THSD7B: variants seen among roughly 807,000 people sequenced by gnomAD.
THSD7B encodes the protein thrombospondin type-1 domain-containing protein 7B.
In THSD7B, 138 loss-of-function variants were observed where a neutral mutation model predicts 213.6. The ratio of observed to expected loss-of-function variants is 0.65; its 90% CI spans 0.56 to 0.74. THSD7B has a LOEUF of 0.74. Ranked by LOEUF, THSD7B falls within the 30% of genes least tolerant of loss-of-function variation. The pLI is 0.00. For missense variants in THSD7B, 1,931 were observed against 1,991.5 expected (o/e 0.97, Z 0.58); for synonymous variants, 742 against 687.0 (o/e 1.08, Z -1.25).
intron 1 of THSD7B, among the ~76,000 whole-genome samples, chr2:136,866,871 C>A (rs748347091): frequency 2.0e-5 from 3 of 151,862 alleles, no homozygotes; most frequent in African/African-American, 4.8e-5. Context: ...AATTTTGCAG[C>A]GTTTTGGAAG....
At chr2:137,336,763 C>A (rs80346313) in intron 12 of THSD7B, among the ~76,000 whole-genome samples, 3,252 of 152,118 alleles carry the variant, frequency 0.021, 133 homozygotes, top group African/African-American at 0.075. Context: ...TATTTTTAGA[C>A]CATTTTATCG....
At chr2:136,976,285 T>C (rs566993561) in intron 2 of THSD7B, among the ~76,000 whole-genome samples, 44 of 152,328 alleles carry the variant, frequency 2.9e-4, no homozygotes, top group African/African-American at 9.9e-4. Context: ...TGCCCATTCA[T>C]TATGATATTG....
intron 6 of THSD7B, among the ~76,000 whole-genome samples, chr2:137,165,491 C>G (rs1261803725): frequency 6.6e-6 from 1 of 151,988 alleles, no homozygotes; most frequent in Admixed American, 6.5e-5. Context: ...GGTCTGAGAT[C>G]CCCCTCAGTC....
intron 3 of THSD7B, among the ~76,000 whole-genome samples, chr2:137,092,177 C>A (rs765228951): frequency 2.6e-5 from 4 of 152,112 alleles, no homozygotes; most frequent in Non-Finnish European, 5.9e-5. Context: ...CTTTGGGAGA[C>A]CAAGTCAGGT....
At chr2:137,608,884 A>G (rs1350355328) in intron 17 of THSD7B, among the ~76,000 whole-genome samples, 1 of 152,234 alleles carries the variant, frequency 6.6e-6, no homozygotes, top group Admixed American at 6.5e-5. Flanking sequence ...TGACCAGATT[A>G]GTTTATAGTG....
At chr2:137,645,539 A>G (rs1049720243) in intron 21 of THSD7B, among the ~76,000 whole-genome samples, 6 of 152,162 alleles carry the variant, frequency 3.9e-5, no homozygotes, top group African/African-American at 1.4e-4. Context: ...CGAAGGTATA[A>G]GCGATTAAGG....
rs540900123 is a variant in THSD7B at position 136,987,320 on chromosome 2, C to A, written c.140-69100C>A. 1.1e-4 allele frequency among the ~76,000 whole-genome samples: 16 copies of A among 152,250 alleles called. No homozygotes were observed. The South Asian group carries it at 3.3e-3, about 32-fold the overall frequency. ...AAAGTATGCCACATCTGTAGCAATT[C>A]CATGGTGGAGAACCACTGGGGCTAT... On this transcript the variant is annotated intron_variant, in intron 2 of 27. Coordinates refer to ENST00000409968, the MANE Select transcript of THSD7B (RefSeq NM_001316349.2).
chr2:137,642,474 C>T lies in THSD7B; in HGVS notation c.3800-14C>T, dbSNP rs1275099887. On this transcript the variant is annotated splice_polypyrimidine_tract_variant and intron_variant, in intron 20 of 27. Transcript: ENST00000409968. ...AAACTAACTGAAAAGCTGACACCTC[C>T]CTTATCATTTTAGGTCGAATGAGCC... 1 of 1,613,176 alleles carries T rather than the reference C, an allele frequency of 6.2e-7. No individual in the cohort carries two copies. Among genetic ancestry groups the T allele is most frequent in the South Asian group, 1.1e-5 (1 of 90,972 alleles).
intron 15 of THSD7B, among the ~76,000 whole-genome samples, chr2:137,456,976 A>C (rs1309950986): frequency 6.6e-6 from 1 of 152,122 alleles, no homozygotes; most frequent in Non-Finnish European, 1.5e-5. Flanking sequence ...CTGTGCTCTC[A>C]AGTTGTGGCA....
At chr2:137,372,913 G>T (rs916317304) in intron 12 of THSD7B, among the ~76,000 whole-genome samples, 1 of 135,174 alleles carries the variant, frequency 7.4e-6, no homozygotes, top group African/African-American at 2.8e-5. Flanking sequence ...TGTTCTCATT[G>T]TTCAATTCCC....
At chr2:136,842,449 A>G (rs893795480) in intron 1 of THSD7B, among the ~76,000 whole-genome samples, 1 of 152,244 alleles carries the variant, frequency 6.6e-6, no homozygotes, top group African/African-American at 2.4e-5. Flanking sequence ...CAGATAAGGC[A>G]TGCATTTAAC....
chr2:136,993,824 GTGTGTCTGTGTC>G (rs1177094083), intron 2 of THSD7B, among the ~76,000 whole-genome samples: 1 of 137,010 alleles, frequency 7.3e-6, no homozygotes, highest in African/African-American at 2.8e-5. Flanking sequence ...GTGGGGTCAT[GTGTGTCTGTGTC>G]TGCGTGCATG....
intron 14 of THSD7B, among the ~76,000 whole-genome samples, chr2:137,425,672 T>C (rs72847190): frequency 0.2 from 30,600 of 152,122 alleles, 3,349 homozygotes; most frequent in South Asian, 0.27. Flanking sequence ...CGAGGGTTGA[T>C]TGTATTTAAA....
At chr2:137,150,749 C>T (rs1048371345) in intron 5 of THSD7B, among the ~76,000 whole-genome samples, 6 of 152,094 alleles carry the variant, frequency 3.9e-5, no homozygotes, top group South Asian at 2.1e-4. Context: ...TGTCTTTGTA[C>T]ATCATAGAGT....
intron 16 of THSD7B, among the ~76,000 whole-genome samples, chr2:137,567,080 T>C (rs1028385669): frequency 6.6e-6 from 1 of 152,186 alleles, no homozygotes; most frequent in African/African-American, 2.4e-5. Context: ...CTGGATATTA[T>C]TCTAACTGCA....
intron 2 of THSD7B, among the ~76,000 whole-genome samples, chr2:136,968,849 G>T (rs553111022): frequency 1.3e-5 from 2 of 152,074 alleles, no homozygotes; most frequent in South Asian, 2.1e-4. Flanking sequence ...CTAACACTTT[G>T]CAACCAGACT....
intron 15 of THSD7B, among the ~76,000 whole-genome samples, chr2:137,519,125 G>A (rs10198533): frequency 0.31 from 46,943 of 151,822 alleles, 7,426 homozygotes; most frequent in South Asian, 0.33. Context: ...GGTGGCGTGC[G>A]CCTATAGTCC....
chr2:137,560,627 G>C (rs1202411943), intron 15 of THSD7B, among the ~76,000 whole-genome samples: 2 of 151,908 alleles, frequency 1.3e-5, no homozygotes, highest in Admixed American at 6.6e-5. Flanking sequence ...CGAGCTAATG[G>C]GTGCAGCACA....
At position 136,856,784 on chromosome 2, in the gene THSD7B, A is replaced by G. The variant is rs1038235318; in HGVS notation, c.-35-25360A>G. On this transcript the variant is annotated intron_variant, in intron 1 of 27. Coordinates refer to ENST00000409968, the MANE Select transcript of THSD7B (RefSeq NM_001316349.2). ...GCCCACCTTGGCCTCACAAAGTGCT[A>G]GGATTACAGACATGAGCCACCACAC... 6.8e-4 allele frequency among the ~76,000 whole-genome samples: 104 copies of G among 152,102 alleles called. 2 individuals carry two copies. Among genetic ancestry groups the G allele is most frequent in the Admixed American group, 2.6e-4 (4 of 15,274 alleles).
Sources: allele counts gnomAD v4.1 joint callset (sites outside exome capture counted in the v4.1 genomes callset), GRCh38; gene constraint gnomAD v4.1.1; transcripts MANE v1.5; gene names NCBI Gene and HGNC (gene_info 2026-07-23, HGNC 2026-07-21).